The following KLF16 variants were observed in gnomAD, a reference collection of about 807,000 sequenced individuals.
KLF16 encodes the protein KLF transcription factor 16.
A neutral mutation model predicts 6.1 loss-of-function variants in KLF16; 6 were observed. That is an observed-to-expected ratio of 0.98 (90% CI 0.54 to 1.93). The LOEUF (loss-of-function observed/expected upper bound fraction) is 1.93. Ranked by LOEUF, KLF16 falls within the 30% of genes most tolerant of loss-of-function variation. The pLI, the probability that KLF16 is intolerant of heterozygous loss-of-function variation, is 0.01. For synonymous variants in KLF16, 211 were observed against 176.5 expected (o/e 1.20, Z -1.55); for missense variants, 355 against 363.8 (o/e 0.98, Z 0.20).
rs1297708034 is a variant in KLF16 at position 1,853,741 on chromosome 19, A to G, written c.*718T>C. On this transcript the variant is annotated 3_prime_UTR_variant, in exon 2 of 2. Transcript: ENST00000250916. Reference sequence around the variant, plus strand: ...GATTCCCTCCCGACCCCACTGAGTCAAATGTTCTTTGGAAGAACCCAGAGG... The same window carrying G: ...GATTCCCTCCCGACCCCACTGAGTCGAATGTTCTTTGGAAGAACCCAGAGG... The G allele has an allele frequency of 6.6e-6, 1 of 152,538 alleles. No individual in the cohort carries two copies. The highest frequency in any genetic ancestry group is 2.4e-5 in the African/African-American group (1 of 41,460). The allele number at this position is 152,538 out of a possible 1,614,324, so 9.4% of individuals were successfully genotyped here. A position where few individuals can be genotyped will look rare whatever the true frequency, so the allele number is the denominator to read the frequency against.
upstream of KLF16, among the ~76,000 whole-genome samples, chr19:1,865,864 A>G (rs1419557285): frequency 2.6e-5 from 4 of 152,088 alleles, no homozygotes; most frequent in Admixed American, 2.0e-4. Context: ...CTTACTCTCT[A>G]TGACCCTGTA....
At chr19:1,872,394 G>C in the KLF16 span, among the ~76,000 whole-genome samples, 2 of 152,356 alleles carry the variant, frequency 1.3e-5, no homozygotes, top group South Asian at 4.1e-4. Context: ...GCCTCCCAGA[G>C]TGCTGGCATT....
At chr19:1,870,734 G>A in the KLF16 span, among the ~76,000 whole-genome samples, 44 of 152,332 alleles carry the variant, frequency 2.9e-4, no homozygotes, top group Admixed American at 5.9e-4. Flanking sequence ...GGTGGCTCAC[G>A]CCTTTAATCC....
At position 1,863,154 on chromosome 19, in the gene KLF16, G is replaced by A. The variant is rs1304788870; in HGVS notation, c.344C>T (p.Ala115Val). ...GGCGGCGGAGGGCGCGGCGCCGGGG[G>A]CGCGGCCCGAGGACGGGGACGAGGC... ...SAASSPSSGRAPGAAPSAAAK... is the reference protein window; with the variant it reads ...SAASSPSSGRVPGAAPSAAAK... Residue 115 changes from alanine (A) to valine (V), a missense_variant, in exon 1 of 2, where the codon GCC becomes GTC. Ala to Val is a moderately conservative substitution (Grantham distance 64). Transcript: ENST00000250916. 3.1e-6 allele frequency: 4 copies of A among 1,305,338 alleles called. No individual in the cohort carries two copies. Among genetic ancestry groups the A allele is most frequent in the African/African-American group, 3.1e-5 (2 of 63,546 alleles). 80.9% of individuals were successfully genotyped at this position (1,305,338 alleles called of 1,614,324 possible).
chr19:1,862,787 C>T (rs2012094756), intron 1 of KLF16: 1 of 367,470 alleles, frequency 2.7e-6, no homozygotes, highest in Admixed American at 4.7e-5. Context: ...CAATCCCGCC[C>T]GCAGACCTCG....
At chr19:1,860,936 G>A (rs2012051948) in intron 1 of KLF16, among the ~76,000 whole-genome samples, 1 of 152,092 alleles carries the variant, frequency 6.6e-6, no homozygotes, top group Non-Finnish European at 1.5e-5. Flanking sequence ...AGGGGGCTTT[G>A]GAATGGGACG....
chr19:1,870,481 G>A, the KLF16 span, among the ~76,000 whole-genome samples: 2 of 151,978 alleles, frequency 1.3e-5, no homozygotes, highest in African/African-American at 2.4e-5. Context: ...AGACCAGCCT[G>A]GGCAACAAAG....
At chr19:1,868,939 G>A in the KLF16 span, among the ~76,000 whole-genome samples, 1 of 151,930 alleles carries the variant, frequency 6.6e-6, no homozygotes. Context: ...CACCGCACCC[G>A]GCCGATGAGG....
upstream of KLF16, among the ~76,000 whole-genome samples, chr19:1,867,162 C>T (rs1461404008): frequency 1.3e-5 from 2 of 152,204 alleles, no homozygotes; most frequent in East Asian, 1.9e-4. Context: ...GAACTGGGGC[C>T]TTGCCTCATA....
In KLF16 at chr19:1,853,471, C is replaced by G. The variant is rs553848672; in HGVS notation, c.*988G>C. ...AGCCCAGGCCCGGAAGAGCCTGCAA[C>G]CCCGGCGGGCATGGGCTCCACGGCC... is the stretch of plus-strand genomic sequence containing the variant. On this transcript the variant is annotated 3_prime_UTR_variant, in exon 2 of 2. Coordinates refer to ENST00000250916, the MANE Select transcript of KLF16 (RefSeq NM_031918.4). 6.6e-6 allele frequency: 1 copy of G among 152,650 alleles called. No homozygotes were observed. Among genetic ancestry groups the G allele is most frequent in the Non-Finnish European group, 1.5e-5 (1 of 68,066 alleles). 9.5% of individuals were successfully genotyped at this position (152,650 alleles called of 1,614,324 possible). A position where few individuals can be genotyped will look rare whatever the true frequency, so the allele number is the denominator to read the frequency against.
At chr19:1,867,621 T>G (rs960241846), upstream of KLF16, among the ~76,000 whole-genome samples, 2 of 152,156 alleles carry the variant, frequency 1.3e-5, no homozygotes, top group Non-Finnish European at 2.9e-5. Flanking sequence ...ATCTCAGCAC[T>G]TTGGGAGGCC....
the KLF16 span, among the ~76,000 whole-genome samples, chr19:1,869,413 G>A: frequency 3.3e-3 from 507 of 152,262 alleles, 2 homozygotes; most frequent in Non-Finnish European, 4.5e-3. Context: ...CCAGGAGGCG[G>A]AGGTTGCAGT....
At chr19:1,873,048 C>T in the KLF16 span, among the ~76,000 whole-genome samples, 1 of 152,188 alleles carries the variant, frequency 6.6e-6, no homozygotes, top group African/African-American at 2.4e-5. Context: ...GGCCCCACCT[C>T]AGGTCACGGC....
chr19:1,858,150 A>C (rs1354674927), intron 1 of KLF16, among the ~76,000 whole-genome samples: 1 of 150,788 alleles, frequency 6.6e-6, no homozygotes, highest in Non-Finnish European at 1.5e-5. Flanking sequence ...TCAATCCCGT[A>C]CCTCCCCACG....
At position 1,858,598 on chromosome 19, in the gene KLF16, G is replaced by A. The variant is rs552630555; in HGVS notation, c.458-3838C>T. ...GGAAAAGGAGAATGCAGGCCTAGGG[G>A]ATCAAGCTCTGGTTCCAACAAGAGC... On this transcript the variant is annotated intron_variant, in intron 1 of 1. Coordinates refer to ENST00000250916, the MANE Select transcript of KLF16 (RefSeq NM_031918.4). Among the ~76,000 whole-genome samples, 30 of 152,278 alleles carry A rather than the reference G, an allele frequency of 2.0e-4. 2 individuals are homozygous for A. In the South Asian group the frequency reaches 6.2e-3, roughly 32 times the overall value.
chr19:1,863,500 C>G lies in KLF16; in HGVS notation c.-3G>C, dbSNP rs1204724258. ...ACGCACGCCACGGCCGCCGACATGC[C>G]GAGCAAGGGCGCGCGGCGCGGCGGG... On this transcript the variant is annotated 5_prime_UTR_variant, in exon 1 of 2. Transcript: ENST00000250916. 3 of 991,938 alleles carry G rather than the reference C, an allele frequency of 3.0e-6. No individual in the cohort carries two copies. The highest frequency in any genetic ancestry group is 1.1e-4 in the East Asian group (1 of 9,182). The allele number at this position is 991,938 out of a possible 1,614,324, so 61.4% of individuals were successfully genotyped here. A position where few individuals can be genotyped will look rare whatever the true frequency, so the allele number is the denominator to read the frequency against.
At chr19:1,868,461 CTTTTTTTTTTTTTTTT>C (rs762308559), upstream of KLF16, among the ~76,000 whole-genome samples, 7 of 110,036 alleles carry the variant, frequency 6.4e-5, no homozygotes, top group African/African-American at 1.3e-4. Flanking sequence ...CAGATTAGGG[CTTTTTTTTTTTTTTTT>C]TTTTTTTTTT....
intron 1 of KLF16, among the ~76,000 whole-genome samples, chr19:1,860,663 G>A (rs1039873995): frequency 3.9e-5 from 6 of 152,140 alleles, no homozygotes; most frequent in African/African-American, 1.4e-4. Flanking sequence ...CTGCAATGGG[G>A]CTCCCTCCCA....
At chr19:1,872,038 C>G in the KLF16 span, among the ~76,000 whole-genome samples, 1 of 152,132 alleles carries the variant, frequency 6.6e-6, no homozygotes, top group Admixed American at 6.5e-5. Context: ...GGGACCAGGA[C>G]CCCCAGGCAC....
Sources: allele counts gnomAD v4.1 joint callset (sites outside exome capture counted in the v4.1 genomes callset), GRCh38; gene constraint gnomAD v4.1.1; transcripts MANE v1.5; gene names NCBI Gene and HGNC (gene_info 2026-07-23, HGNC 2026-07-21).